CACNA1E: variants seen among roughly 807,000 people sequenced by gnomAD.
The protein encoded by CACNA1E is calcium voltage-gated channel subunit alpha1 E.
CACNA1E carries 40 observed loss-of-function variants against 259.2 expected under a neutral mutation model. That is an observed-to-expected ratio of 0.15 (90% CI 0.12 to 0.20). CACNA1E has a LOEUF of 0.20. Among genes scored for constraint, CACNA1E ranks in the 10% least tolerant of loss-of-function variants. CACNA1E has a pLI of 1.00. For synonymous variants in CACNA1E, 1,104 were observed against 1,138.5 expected, an observed-to-expected ratio of 0.97 and a Z score of 0.61; for missense variants, 1,874 against 3,040.1, an observed-to-expected ratio of 0.62 and a Z score of 9.02.
At chr1:181,521,953 GCAGGGAC>G (rs1667023239) in intron 3 of CACNA1E, among the ~76,000 whole-genome samples, 1 of 152,122 alleles carries the variant, frequency 6.6e-6, no homozygotes, top group Admixed American at 6.5e-5. Flanking sequence ...TGGAAAGTAG[GCAGGGAC>G]CACATCATTC....
intron 23 of CACNA1E, 35 bp downstream of exon 23, chr1:181,737,689 G>A (rs750653061): frequency 6.3e-7 from 1 of 1,598,362 alleles, no homozygotes; most frequent in African/African-American, 1.3e-5. Flanking sequence ...AGCCTCTGTA[G>A]TGCTCTGGTG....
Position 181,633,328 on chromosome 1 carries a change from G to A in CACNA1E, c.952-18010G>A, listed in dbSNP as rs571506934. The stretch of plus-strand genomic sequence containing the variant: ...CTTATCACCATAGCTAATACTTACC[G>A]AATGCTTTCTGCTTGCCATAGCTTG... On this transcript the variant is annotated intron_variant, in intron 6 of 47. Transcript: ENST00000367573. Among the ~76,000 whole-genome samples, 16 of 152,118 alleles carry A rather than the reference G, an allele frequency of 1.1e-4. No homozygotes were observed. In the South Asian group the frequency reaches 1.2e-3, roughly 12 times the overall value.
chr1:181,429,851 G>C (rs1407948098), intron 2 of CACNA1E, among the ~76,000 whole-genome samples: 1 of 152,200 alleles, frequency 6.6e-6, no homozygotes, highest in African/African-American at 2.4e-5. Flanking sequence ...TTAACAGGAA[G>C]ATGTATATAG....
At chr1:181,460,441 G>C (rs1435287610) in intron 2 of CACNA1E, among the ~76,000 whole-genome samples, 1 of 152,192 alleles carries the variant, frequency 6.6e-6, no homozygotes, top group Non-Finnish European at 1.5e-5. Flanking sequence ...GCCAGGAACA[G>C]GACCCACACC....
chr1:181,596,335 G>A (rs1653154593), intron 6 of CACNA1E, among the ~76,000 whole-genome samples: 1 of 152,174 alleles, frequency 6.6e-6, no homozygotes, highest in Admixed American at 6.5e-5. Context: ...AGTGCAGATT[G>A]CACAAAGCCT....
chr1:181,720,179 A>G, intron 13 of CACNA1E, 27 bp from the exon 14 acceptor site: 1 of 1,613,762 alleles, frequency 6.2e-7, no homozygotes, highest in Non-Finnish European at 8.5e-7. Context: ...CAGTGTTCAC[A>G]GCTGTCACAT....
At chr1:181,601,832 A>C (rs1653775304) in intron 6 of CACNA1E, among the ~76,000 whole-genome samples, 1 of 152,176 alleles carries the variant, frequency 6.6e-6, no homozygotes. Context: ...TAAAAGCCAG[A>C]GCCCTTGCAA....
Position 181,359,896 on chromosome 1 carries a change from T to C in CACNA1E, c.-15+41773T>C, listed in dbSNP as rs570851561. 2.0e-5 allele frequency among the ~76,000 whole-genome samples: 3 copies of C among 152,344 alleles called. No individual in the cohort carries two copies. In the South Asian group the frequency reaches 6.2e-4, roughly 32 times the overall value. The stretch of plus-strand genomic sequence containing the variant: ...TCCTTTCCTTACGATTGTAGCTAAC[T>C]TGGGGTGCATGGGGGAGCATCGGTC... On this transcript the variant is annotated intron_variant, in intron 1 of 11. Coordinates refer to the CACNA1E transcript ENST00000524607.
intron 3 of CACNA1E, among the ~76,000 whole-genome samples, chr1:181,569,153 C>A (rs1393321842): frequency 6.6e-6 from 1 of 152,208 alleles, no homozygotes; most frequent in African/African-American, 2.4e-5. Context: ...ATAATTGAGA[C>A]CTATTTAATG....
intron 3 of CACNA1E, among the ~76,000 whole-genome samples, chr1:181,552,811 A>G (rs1000967096): frequency 6.6e-6 from 1 of 151,286 alleles, no homozygotes; most frequent in East Asian, 1.9e-4. Context: ...GGACATGGAT[A>G]TTTTGGTGTT....
chr1:181,544,553 C>T lies in CACNA1E; in HGVS notation c.512+33043C>T, dbSNP rs182293913. Among the ~76,000 whole-genome samples the T allele has an allele frequency of 2.4e-3, 369 of 152,300 alleles. 1 individual carries two copies. The highest frequency in any genetic ancestry group is 8.2e-3 in the African/African-American group (339 of 41,564). On this transcript the variant is annotated intron_variant, in intron 3 of 47. Coordinates refer to ENST00000367573, the MANE Select transcript of CACNA1E (RefSeq NM_001205293.3). Reference sequence around the variant, plus strand: ...TATCCAATTGCAGTATACGTTTTAACTTTATTGTAACCTATAAGGTGCCAG... The same window carrying T: ...TATCCAATTGCAGTATACGTTTTAATTTTATTGTAACCTATAAGGTGCCAG...
intron 18 of CACNA1E, among the ~76,000 whole-genome samples, chr1:181,728,876 G>C (rs551364846): frequency 7.2e-6 from 1 of 139,636 alleles, no homozygotes; most frequent in African/African-American, 2.7e-5. Flanking sequence ...CATTTTGCTC[G>C]GGTGTGTGTG....
chr1:181,524,271 G>A (rs919201116), intron 3 of CACNA1E, among the ~76,000 whole-genome samples: 4 of 152,196 alleles, frequency 2.6e-5, no homozygotes, highest in East Asian at 3.8e-4. Context: ...TGTGGATAAA[G>A]TGAAATAATT....
chr1:181,718,272 A>T, intron 12 of CACNA1E, 105 bp downstream of exon 12: 1 of 622,908 alleles, frequency 1.6e-6, no homozygotes, highest in East Asian at 2.7e-5. Flanking sequence ...AAATCAGAAT[A>T]TGTAAAAGCG....
intron 1 of CACNA1E, among the ~76,000 whole-genome samples, chr1:181,318,603 C>G (rs1339106080): frequency 2.6e-5 from 4 of 152,196 alleles, no homozygotes; most frequent in Non-Finnish European, 4.4e-5. Context: ...CCTCCGGGCG[C>G]GGGCGGCTCA....
At chr1:181,400,519 C>G (rs917795856) in intron 1 of CACNA1E, among the ~76,000 whole-genome samples, 1 of 152,084 alleles carries the variant, frequency 6.6e-6, no homozygotes, top group Admixed American at 6.5e-5. Context: ...CTGAAGCATC[C>G]CCATGCCCTA....
At chr1:181,673,813 C>G (rs1262488457) in intron 7 of CACNA1E, among the ~76,000 whole-genome samples, 1 of 152,136 alleles carries the variant, frequency 6.6e-6, no homozygotes, top group African/African-American at 2.4e-5. Context: ...ACCCCAACAC[C>G]CGCTCTGCCA....
upstream of CACNA1E, among the ~76,000 whole-genome samples, chr1:181,482,566 G>A (rs973604230): frequency 1.3e-5 from 2 of 152,030 alleles, no homozygotes; most frequent in African/African-American, 2.4e-5. Context: ...CGCCCCTCCC[G>A]CCTGGCCAGC....
intron 1 of CACNA1E, among the ~76,000 whole-genome samples, chr1:181,373,087 C>A (rs1317998908): frequency 2.0e-5 from 3 of 152,002 alleles, no homozygotes; most frequent in Non-Finnish European, 4.4e-5. Context: ...GGGATATTGG[C>A]CTGAAGTTTT....
Sources: allele counts gnomAD v4.1 joint callset (sites outside exome capture counted in the v4.1 genomes callset), GRCh38; gene constraint gnomAD v4.1.1; transcripts MANE v1.5; gene names NCBI Gene and HGNC (gene_info 2026-07-23, HGNC 2026-07-21).